PSD2: variants seen among roughly 807,000 people sequenced by gnomAD.
PSD2 encodes PH and SEC7 domain-containing protein 2.
In PSD2, 38 loss-of-function variants were observed where a neutral mutation model predicts 69.8. The observed-to-expected ratio is 0.54, with a 90% confidence interval of 0.42 to 0.71. The LOEUF (loss-of-function observed/expected upper bound fraction) is 0.71. PSD2 is among the 30% of genes least tolerant of loss of function. PSD2 has a pLI of 0.00. For synonymous variants in PSD2, 412 were observed against 423.0 expected, an observed-to-expected ratio of 0.97 and a Z score of 0.32; for missense variants, 943 against 1,014.5, an observed-to-expected ratio of 0.93 and a Z score of 0.96.
rs781378086 is a variant in PSD2 at position 139,837,313 on chromosome 5, C to T, written c.1665+75C>T. ...ATCCCGCCCTGGCCTTGTGGCACCC[C>T]GAAGCCCCAGGCAGGACCTGGGGCT... On this transcript the variant is annotated intron_variant, in intron 11 of 14. Coordinates refer to ENST00000274710, the MANE Select transcript of PSD2 (RefSeq NM_032289.4). The surrounding 1 kb of genome is among the most constrained non-coding windows in gnomAD (Gnocchi z 5.0). 7.1e-5 allele frequency: 93 copies of T among 1,316,310 alleles called. No individual in the cohort carries two copies. Among genetic ancestry groups the T allele is most frequent in the Admixed American group, 1.7e-4 (7 of 41,704 alleles). The allele number at this position is 1,316,310 out of a possible 1,614,324, so 81.5% of individuals were successfully genotyped here. A position where few individuals can be genotyped will look rare whatever the true frequency, so the allele number is the denominator to read the frequency against.
chr5:139,753,379 T>C, the PSD2 span, among the ~76,000 whole-genome samples: 42 of 152,290 alleles, frequency 2.8e-4, no homozygotes, highest in African/African-American at 1.0e-3. Context: ...GTAACTGAGC[T>C]GTGACCCTCC....
At chr5:139,767,299 T>C in the PSD2 span, among the ~76,000 whole-genome samples, 1 of 149,986 alleles carries the variant, frequency 6.7e-6, no homozygotes, top group Admixed American at 6.6e-5. Flanking sequence ...AGCCACCATC[T>C]TTCTTTCTTT....
At chr5:139,821,523 G>T (rs1021243743) in intron 5 of PSD2, among the ~76,000 whole-genome samples, 4 of 152,208 alleles carry the variant, frequency 2.6e-5, no homozygotes, top group African/African-American at 7.2e-5. Context: ...GCATTCTGAA[G>T]GGCAGGCAGG....
At chr5:139,795,274 T>C (rs1166718977), upstream of PSD2, among the ~76,000 whole-genome samples, 3 of 152,134 alleles carry the variant, frequency 2.0e-5, no homozygotes, top group Admixed American at 2.0e-4. This position sits in a 1 kb window ranked among gnomAD's most constrained non-coding sequence, Gnocchi z 4.5. Context: ...TCTCCCTCTC[T>C]GAGATTCTTC....
the PSD2 span, among the ~76,000 whole-genome samples, chr5:139,776,223 T>C: frequency 3.3e-5 from 5 of 152,250 alleles, no homozygotes; most frequent in South Asian, 1.0e-3. Context: ...CCCTGCCACC[T>C]CTGCTGAATC....
chr5:139,808,770 C>A (rs1349329184), intron 1 of PSD2, among the ~76,000 whole-genome samples: 1 of 152,214 alleles, frequency 6.6e-6, no homozygotes, highest in Non-Finnish European at 1.5e-5. Context: ...CCCTGGACAG[C>A]GCCCCACGCT....
chr5:139,807,211 G>A (rs1236965762), intron 1 of PSD2, among the ~76,000 whole-genome samples: 1 of 152,228 alleles, frequency 6.6e-6, no homozygotes, highest in East Asian at 1.9e-4. Flanking sequence ...AGGGGAGCTT[G>A]AGTCATCCTG....
chr5:139,756,837 A>C, the PSD2 span, among the ~76,000 whole-genome samples: 1 of 152,286 alleles, frequency 6.6e-6, no homozygotes, highest in South Asian at 2.1e-4. Flanking sequence ...TAGGGAAGCT[A>C]TTAGCTTCCC....
At position 139,814,460 on chromosome 5, in the gene PSD2, G is replaced by T. The variant is rs1760067691; in HGVS notation, c.1016+96G>T. The T allele has an allele frequency of 2.6e-6, 3 of 1,134,610 alleles. No individual in the cohort carries two copies. The highest frequency in any genetic ancestry group is 1.2e-6 in the Non-Finnish European group (1 of 828,724). The allele number at this position is 1,134,610 out of a possible 1,614,324, so 70.3% of individuals were successfully genotyped here. On this transcript the variant is annotated intron_variant, in intron 4 of 14. Transcript: ENST00000274710. This position sits in a 1 kb window ranked among gnomAD's most constrained non-coding sequence, Gnocchi z 4.4. Reference sequence around the variant, plus strand: ...GTGACCTTCTTCAGGGGTGCCAGGTGCTGGGGGGGCACTCCCAACAGTTCC... The same window carrying T: ...GTGACCTTCTTCAGGGGTGCCAGGTTCTGGGGGGGCACTCCCAACAGTTCC...
chr5:139,763,736 C>A, the PSD2 span, among the ~76,000 whole-genome samples: 2 of 152,342 alleles, frequency 1.3e-5, no homozygotes, highest in African/African-American at 4.8e-5. Context: ...ACATCTTCTG[C>A]CTTTGCTCTC....
chr5:139,833,400 A>C (rs1295370338), intron 7 of PSD2, among the ~76,000 whole-genome samples: 1 of 152,124 alleles, frequency 6.6e-6, no homozygotes, highest in Admixed American at 6.5e-5. Context: ...CATGTCAAGC[A>C]CAAGACCTGG....
At chr5:139,811,861 G>A (rs779770910) in intron 2 of PSD2, among the ~76,000 whole-genome samples, 2 of 152,106 alleles carry the variant, frequency 1.3e-5, no homozygotes, top group South Asian at 2.1e-4. Flanking sequence ...CCAAAGTGCT[G>A]GGATTACAGC....
chr5:139,809,969 G>A (rs536724644), intron 2 of PSD2, among the ~76,000 whole-genome samples, 158 bp downstream of exon 2: 8 of 152,194 alleles, frequency 5.3e-5, no homozygotes, highest in Admixed American at 5.2e-4. Context: ...TGTTTTGAAA[G>A]GACAGAGCCT....
At chr5:139,755,538 C>G in the PSD2 span, among the ~76,000 whole-genome samples, 1 of 151,824 alleles carries the variant, frequency 6.6e-6, no homozygotes, top group Non-Finnish European at 1.5e-5. Context: ...TCCCTGGGAG[C>G]CTCCTCCCTA....
chr5:139,765,015 G>A, the PSD2 span, among the ~76,000 whole-genome samples: 1 of 152,164 alleles, frequency 6.6e-6, no homozygotes, highest in South Asian at 2.1e-4. Flanking sequence ...CCCACCCGAT[G>A]TCCACCCATG....
In PSD2 at chr5:139,836,904, C is replaced by G; in HGVS notation, c.1497C>G (p.Gly499=). The change falls in exon 10 of 15, where the codon GGC becomes GGG. Residue 499 remains glycine, a synonymous_variant. Transcript: ENST00000274710. ...AGGTGACGCGAATCCTGGATGGTGG[C>G]AACCCCTTCCTGGATGTCCCACAGG... ...TKKVTRILDG[G]NPFLDVPQAL... 1 of 1,614,176 alleles carries G rather than the reference C, an allele frequency of 6.2e-7. No individual in the cohort carries two copies. The highest frequency in any genetic ancestry group is 8.5e-7 in the Non-Finnish European group (1 of 1,180,014).
the PSD2 span, among the ~76,000 whole-genome samples, chr5:139,773,746 G>C: frequency 6.6e-6 from 1 of 152,104 alleles, no homozygotes; most frequent in Non-Finnish European, 1.5e-5. Flanking sequence ...GGCTGCCACC[G>C]CTTGGCTGTT....
intron 7 of PSD2, among the ~76,000 whole-genome samples, chr5:139,824,191 TAAG>T (rs1250538496): frequency 6.6e-6 from 1 of 152,142 alleles, no homozygotes; most frequent in Non-Finnish European, 1.5e-5. Context: ...TCCCTATGGC[TAAG>T]AACTGCTAAG....
At chr5:139,834,914 A>G (rs1382094301) in intron 8 of PSD2, among the ~76,000 whole-genome samples, 1 of 150,652 alleles carries the variant, frequency 6.6e-6, no homozygotes, top group Non-Finnish European at 1.5e-5. Context: ...ACCTACCCAT[A>G]TACCCACCCA....
Sources: gnomAD v4.1 joint callset for allele counts (sites outside exome capture counted in the v4.1 genomes callset) on GRCh38, gnomAD v4.1.1 for gene constraint, Gnocchi (gnomAD v3.1) non-coding constraint, MANE v1.5 for transcripts, NCBI Gene and HGNC (gene_info 2026-07-23, HGNC 2026-07-21) for gene names.